SLC9B1: variants seen among roughly 807,000 people sequenced by gnomAD.
SLC9B1 encodes sodium/hydrogen exchanger 9B1.
A neutral mutation model predicts 51.7 loss-of-function variants in SLC9B1; 32 were observed. The observed-to-expected ratio is 0.62, with a 90% CI of 0.47 to 0.83. SLC9B1 has a LOEUF of 0.83. SLC9B1 is among the 40% of genes least tolerant of loss of function. SLC9B1 has a pLI of 0.00. For missense variants in SLC9B1, 406 were observed against 613.2 expected (o/e 0.66, Z 3.57); for synonymous variants, 145 against 212.7 (o/e 0.68, Z 2.77).
At chr4:102,993,686 G>A (rs1255640104) in intron 1 of SLC9B1, among the ~76,000 whole-genome samples, 2 of 152,210 alleles carry the variant, frequency 1.3e-5, no homozygotes, top group Non-Finnish European at 2.9e-5. Context: ...CCTAGCAGAG[G>A]TTCTCCATGA....
At chr4:103,005,709 AAAC>A (rs1740749415) in intron 1 of SLC9B1, among the ~76,000 whole-genome samples, 2 of 152,142 alleles carry the variant, frequency 1.3e-5, no homozygotes, top group African/African-American at 4.8e-5. Flanking sequence ...ATCAGCCATA[AAAC>A]AATTCTCAGC....
chr4:102,917,706 C>CT (rs1210064915), intron 7 of SLC9B1, among the ~76,000 whole-genome samples: 3 of 152,196 alleles, frequency 2.0e-5, no homozygotes, highest in African/African-American at 7.2e-5. Context: ...AGCAACTTAG[C>CT]TTTACACCTC....
chr4:102,932,362 A>G (rs1736503344), intron 6 of SLC9B1, 63 bp from the exon 7 acceptor site: 1 of 1,366,798 alleles, frequency 7.3e-7, no homozygotes, highest in African/African-American at 1.5e-5. Flanking sequence ...TTTTATAAGT[A>G]CAAGTAGTTT....
At chr4:102,968,042 C>CA (rs936784228) in intron 3 of SLC9B1, among the ~76,000 whole-genome samples, 2 of 151,764 alleles carry the variant, frequency 1.3e-5, no homozygotes, top group African/African-American at 2.4e-5. Flanking sequence ...CTAGAATAGC[C>CA]AAAAAAATCT....
chr4:102,912,231 A>T (rs1735376102), intron 7 of SLC9B1: 1 of 152,296 alleles, frequency 6.6e-6, no homozygotes, highest in Admixed American at 6.5e-5. Context: ...CTATATTAAC[A>T]ATTCTTCTTT....
At chr4:102,901,574 C>G (rs1376628138) in intron 11 of SLC9B1, among the ~76,000 whole-genome samples, 2 of 152,166 alleles carry the variant, frequency 1.3e-5, no homozygotes, top group East Asian at 3.8e-4. Flanking sequence ...GCACTCTTGT[C>G]CTCTCAGTGT....
intron 1 of SLC9B1, among the ~76,000 whole-genome samples, chr4:102,999,290 T>TA (rs1449749734): frequency 2.0e-5 from 3 of 152,252 alleles, no homozygotes; most frequent in Admixed American, 2.0e-4. Context: ...ACATAAGTTT[T>TA]AAATGTTAAT....
At chr4:102,990,455 A>G (rs1290012911) in intron 2 of SLC9B1, among the ~76,000 whole-genome samples, 1 of 152,098 alleles carries the variant, frequency 6.6e-6, no homozygotes, top group Non-Finnish European at 1.5e-5. Context: ...GTGCAAGGGT[A>G]TACCTTAATC....
intron 1 of SLC9B1, among the ~76,000 whole-genome samples, chr4:102,994,153 T>G (rs7688940): frequency 0.55 from 83,361 of 151,784 alleles, 23,455 homozygotes; most frequent in African/African-American, 0.69. Context: ...CCAGAAAATG[T>G]TTTTTTTTCT....
rs369900050 is a variant in SLC9B1 at position 102,885,481 on chromosome 4, T to G, written c.1333-153A>C. ...TAAAATTTTGCAGTGCTAGGATTGTTTCGCCTCTTAAATCCCCAGTTTTGA... is the reference window on the plus strand; with the variant it reads ...TAAAATTTTGCAGTGCTAGGATTGTGTCGCCTCTTAAATCCCCAGTTTTGA... On this transcript the variant is annotated intron_variant, in intron 11 of 11. Coordinates refer to the SLC9B1 transcript ENST00000394789. 17 of 1,412,468 alleles carry G rather than the reference T, an allele frequency of 1.2e-5. No individual in the cohort carries two copies. In the Admixed American group the frequency reaches 1.9e-4, roughly 15 times the overall value. 87.5% of individuals were successfully genotyped at this position (1,412,468 alleles called of 1,614,324 possible). A position where few individuals can be genotyped will look rare whatever the true frequency, so the allele number is the denominator to read the frequency against.
At chr4:102,915,942 A>C (rs577773816) in intron 7 of SLC9B1, among the ~76,000 whole-genome samples, 5 of 152,306 alleles carry the variant, frequency 3.3e-5, no homozygotes, top group African/African-American at 1.2e-4. Flanking sequence ...AAGATACACA[A>C]ATAAACATGA....
chr4:102,911,326 T>C, intron 8 of SLC9B1, 105 bp downstream of exon 8: 1 of 758,254 alleles, frequency 1.3e-6, no homozygotes, highest in Admixed American at 2.6e-5. Flanking sequence ...AGGCTAGTTT[T>C]AGAGAAATAG....
intron 7 of SLC9B1, among the ~76,000 whole-genome samples, chr4:102,917,457 CTA>C (rs1560925654): frequency 1.3e-5 from 2 of 151,332 alleles, no homozygotes; most frequent in African/African-American, 4.9e-5. Context: ...ATATCTATAT[CTA>C]TATCTATATC....
intron 10 of SLC9B1, among the ~76,000 whole-genome samples, chr4:102,906,028 C>G (rs768817904): frequency 5.9e-5 from 9 of 152,024 alleles, no homozygotes; most frequent in African/African-American, 1.9e-4. Context: ...TTCCGACTCC[C>G]GGGTTCACGC....
chr4:102,956,053 G>T (rs1268599081), intron 3 of SLC9B1, among the ~76,000 whole-genome samples: 1 of 152,056 alleles, frequency 6.6e-6, no homozygotes, highest in Non-Finnish European at 1.5e-5. Context: ...CTGGAATTCT[G>T]GTACATGTGA....
At chr4:102,964,631 G>T (rs1738325019) in intron 3 of SLC9B1, among the ~76,000 whole-genome samples, 1 of 152,140 alleles carries the variant, frequency 6.6e-6, no homozygotes, top group Non-Finnish European at 1.5e-5. Flanking sequence ...AGGAATGTGA[G>T]GTGGTTGACT....
At chr4:102,894,544 A>C (rs756600428) in intron 11 of SLC9B1, among the ~76,000 whole-genome samples, 1 of 152,184 alleles carries the variant, frequency 6.6e-6, no homozygotes, top group Non-Finnish European at 1.5e-5. Context: ...GCACCTTGAA[A>C]TGCTAGTGGT....
At chr4:102,989,751 C>T in intron 3 of SLC9B1, 49 bp downstream of exon 3, 5 of 1,312,994 alleles carry the variant, frequency 3.8e-6, no homozygotes, top group Non-Finnish European at 5.2e-6. Flanking sequence ...TAATATTTAT[C>T]AAACATATTT....
chr4:103,009,890 T>A (rs1037240782), intron 1 of SLC9B1, among the ~76,000 whole-genome samples: 1 of 148,634 alleles, frequency 6.7e-6, no homozygotes, highest in African/African-American at 2.5e-5. Context: ...AGAATACTCT[T>A]TATAAAAGGC....
Sources: gnomAD v4.1 joint callset for allele counts (sites outside exome capture counted in the v4.1 genomes callset) on GRCh38, gnomAD v4.1.1 for gene constraint, MANE v1.5 for transcripts, NCBI Gene and HGNC (gene_info 2026-07-23, HGNC 2026-07-21) for gene names.